The following MCCC1 variants were observed in gnomAD, a reference collection of about 807,000 sequenced individuals.
The protein encoded by MCCC1 is methylcrotonyl-CoA carboxylase subunit 1.
MCCC1 carries 64 observed loss-of-function variants against 83.8 expected under a neutral mutation model. The observed-to-expected ratio is 0.76, with a 90% CI of 0.62 to 0.94. The LOEUF is 0.94. MCCC1 is among the 40% of genes least tolerant of loss of function. MCCC1 has a pLI of 0.00. For missense variants in MCCC1, 807 were observed against 904.7 expected (o/e 0.89, Z 1.39); for synonymous variants, 322 against 315.4 (o/e 1.02, Z -0.22).
chr3:183,056,123 A>T (rs1388022423), intron 8 of MCCC1, among the ~76,000 whole-genome samples: 1 of 152,186 alleles, frequency 6.6e-6, no homozygotes, highest in Non-Finnish European at 1.5e-5. Flanking sequence ...ATATAAATTT[A>T]AGTAATCACG....
At chr3:183,022,336 T>C (rs953750388) in intron 16 of MCCC1, 81 bp downstream of exon 16, 4 of 1,527,730 alleles carry the variant, frequency 2.6e-6, no homozygotes, top group African/African-American at 1.4e-5. Flanking sequence ...TGGATCTTTC[T>C]AATCTCTTTC....
In MCCC1 at chr3:183,106,482, TTTTCTTTC is replaced by T. The variant is rs144890143; in HGVS notation, c.-102+8984_-102+8991del. 1.2e-3 allele frequency among the ~76,000 whole-genome samples: 183 copies of T among 147,066 alleles called. 2 individuals carry two copies. The highest frequency in any genetic ancestry group is 2.8e-3 in the African/African-American group (109 of 38,294). On this transcript the variant is annotated intron_variant, in intron 1 of 17. Transcript: ENST00000492597. ...AGATTTCCCAAATGTTTCTTTGTTC[TTTTCTTTC>T]TTTCTTTCTTTCTTTCTTTCTTTTT... is the stretch of plus-strand genomic sequence containing the variant.
chr3:183,060,055 T>C (rs1715707868), intron 7 of MCCC1, among the ~76,000 whole-genome samples: 1 of 152,250 alleles, frequency 6.6e-6, no homozygotes, highest in African/African-American at 2.4e-5. Flanking sequence ...CCATTACTAC[T>C]TCAAATATCT....
intron 14 of MCCC1, 98 bp from the exon 15 acceptor site, chr3:183,025,902 C>A: frequency 1.9e-6 from 2 of 1,041,032 alleles, no homozygotes; most frequent in South Asian, 2.8e-5. Context: ...TAAAGACAAC[C>A]AACTATTCAA....
chr3:183,017,266 C>A lies in MCCC1; in HGVS notation c.2049G>T (p.Glu683Asp), dbSNP rs1180194918. 4 of 1,613,414 alleles carry A rather than the reference C, an allele frequency of 2.5e-6. No individual in the cohort carries two copies. Among genetic ancestry groups the A allele is most frequent in the Admixed American group, 1.7e-5 (1 of 59,994 alleles). Residue 683 changes from glutamate (E) to aspartate (D), a missense_variant and splice_region_variant, in exon 18 of 19, where the codon GAG becomes GAT. By Grantham distance (45) the Glu-to-Asp change is conservative. Coordinates refer to ENST00000265594, the MANE Select transcript of MCCC1 (RefSeq NM_020166.5). ...SLMVMIAMKM[E>D]HTIKSPKDGT... ...GCAAATGAACTCATGATTTCCTTAC[C>A]TCCATCTTCATGGCGATCATAACCA...
At chr3:183,041,532 A>G in intron 11 of MCCC1, 35 bp downstream of exon 11, 2 of 1,612,510 alleles carry the variant, frequency 1.2e-6, no homozygotes, top group Non-Finnish European at 8.5e-7. Context: ...TAAAAACTTA[A>G]AAAGAGTGAG....
At chr3:183,033,658 A>C (rs1476704470) in intron 14 of MCCC1, among the ~76,000 whole-genome samples, 1 of 152,212 alleles carries the variant, frequency 6.6e-6, no homozygotes, top group Non-Finnish European at 1.5e-5. Flanking sequence ...CAAAAAAAAA[A>C]GTACAAAGAA....
intron 10 of MCCC1, among the ~76,000 whole-genome samples, chr3:183,042,298 A>G (rs188515955): frequency 6.6e-6 from 1 of 152,236 alleles, no homozygotes; most frequent in East Asian, 1.9e-4. Context: ...ACTGCATGAT[A>G]CCAGATTACA....
chr3:183,046,981 G>A (rs2108488991), intron 9 of MCCC1, among the ~76,000 whole-genome samples: 1 of 152,288 alleles, frequency 6.6e-6, no homozygotes, highest in African/African-American at 2.4e-5. Flanking sequence ...AGGCGACCCA[G>A]TTACAGGAGG....
In MCCC1 at chr3:183,041,599, G is replaced by A. The variant is rs780622721; in HGVS notation, c.1235C>T (p.Pro412Leu). The A allele has an allele frequency of 1.2e-6, 2 of 1,614,118 alleles. No individual in the cohort carries two copies. Among genetic ancestry groups the A allele is most frequent in the Non-Finnish European group, 1.7e-6 (2 of 1,179,970 alleles). The change falls in exon 11 of 19, where the codon CCT (proline) becomes CTT (leucine). Residue 412 changes from proline (P) to leucine (L), a missense_variant. Transcript: ENST00000265594. ...TACTCCAGTTTCAATCCTGGTGGAAGGGTCTGCTCGAGGAGTAGAGAGGTG... is the reference window on the plus strand; with the variant it reads ...TACTCCAGTTTCAATCCTGGTGGAAAGGTCTGCTCGAGGAGTAGAGAGGTG... Reference protein sequence around the residue: ...LVHLSTPRADPSTRIETGVRQ... With the variant: ...LVHLSTPRADLSTRIETGVRQ...
rs143417444 is a variant in MCCC1, at chr3:183,040,925, A to T, written c.1267+642T>A. 4.5e-3 allele frequency among the ~76,000 whole-genome samples: 678 copies of T among 152,282 alleles called. 3 individuals carry two copies. Among genetic ancestry groups the T allele is most frequent in the African/African-American group, 0.016 (647 of 41,550 alleles). On this transcript the variant is annotated intron_variant, in intron 11 of 18. Coordinates refer to ENST00000265594, the MANE Select transcript of MCCC1 (RefSeq NM_020166.5). ...CTGCCTGGGTCTGAATCTTGGCTCCAAGGATGACCTTGGACAAGTCACTTA... is the reference window on the plus strand; with the variant it reads ...CTGCCTGGGTCTGAATCTTGGCTCCTAGGATGACCTTGGACAAGTCACTTA...
intron 11 of MCCC1, among the ~76,000 whole-genome samples, chr3:183,040,203 G>A (rs1372099206): frequency 2.0e-5 from 3 of 150,314 alleles, no homozygotes; most frequent in South Asian, 4.2e-4. Flanking sequence ...AAATCTTGCT[G>A]TGGCTTATCC....
At chr3:183,066,566 G>C (rs1716272534) in intron 7 of MCCC1, among the ~76,000 whole-genome samples, 2 of 152,178 alleles carry the variant, frequency 1.3e-5, no homozygotes, top group Admixed American at 1.3e-4. Context: ...GTCTCCCAAA[G>C]TGCTGGGATT....
At chr3:183,048,900 C>G (rs1274060534) in intron 9 of MCCC1, among the ~76,000 whole-genome samples, 1 of 152,176 alleles carries the variant, frequency 6.6e-6, no homozygotes, top group Non-Finnish European at 1.5e-5. Context: ...ACAGTGTCTG[C>G]TCTCAGAACA....
At chr3:183,083,559 G>C (rs1389841783) in intron 4 of MCCC1, among the ~76,000 whole-genome samples, 1 of 151,958 alleles carries the variant, frequency 6.6e-6, no homozygotes, top group Non-Finnish European at 1.5e-5. Context: ...AACATTCTTT[G>C]AAATATACTT....
intron 5 of MCCC1, among the ~76,000 whole-genome samples, chr3:183,071,718 T>TTA (rs10692178): frequency 6.7e-6 from 1 of 149,950 alleles, no homozygotes; most frequent in East Asian, 2.0e-4. Context: ...TTTTTTTTTT[T>TTA]AGAGACAGGG....
intron 1 of MCCC1, among the ~76,000 whole-genome samples, chr3:183,112,915 A>T (rs1719523191): frequency 1.3e-5 from 2 of 151,038 alleles, no homozygotes; most frequent in African/African-American, 2.4e-5. Flanking sequence ...CTTAAAAAAT[A>T]AAAAAAAATA....
rs1002612024 is a variant in MCCC1 at position 183,042,824 on chromosome 3, TATC to T, written c.1084-1077_1084-1075del. ...ATACAGTCAGCACTATGTTACCTAT[TATC>T]ATTCCATCCTTAGGATCTAGAACCA... On this transcript the variant is annotated intron_variant, in intron 10 of 18. Transcript: ENST00000265594. Among the ~76,000 whole-genome samples, 188 of 152,304 alleles carry T rather than the reference TATC, an allele frequency of 1.2e-3. 1 individual carries two copies. Among genetic ancestry groups the T allele is most frequent in the Non-Finnish European group, 8.2e-4 (56 of 68,018 alleles).
At chr3:183,092,941 T>C (rs1013240777) in intron 2 of MCCC1, among the ~76,000 whole-genome samples, 1 of 152,230 alleles carries the variant, frequency 6.6e-6, no homozygotes, top group Non-Finnish European at 1.5e-5. Flanking sequence ...TCCCCCAGGT[T>C]GGAGTGCAAT....
Sources: allele counts gnomAD v4.1 joint callset (sites outside exome capture counted in the v4.1 genomes callset), GRCh38; gene constraint gnomAD v4.1.1; transcripts MANE v1.5; gene names NCBI Gene and HGNC (gene_info 2026-07-23, HGNC 2026-07-21).